The following DOK5 variants were observed in gnomAD, a reference collection of about 807,000 sequenced individuals.
DOK5 encodes docking protein 5.
DOK5 carries 27 observed loss-of-function variants against 43.3 expected under a neutral mutation model. That is an observed-to-expected ratio of 0.62 (90% CI 0.46 to 0.86). DOK5 has a LOEUF of 0.86. DOK5 is among the 40% of genes least tolerant of loss of function. The probability of loss-of-function intolerance (pLI) is 0.00; values close to 1 mark genes in which losing one functional copy is unlikely to be tolerated. For missense variants in DOK5, 373 were observed against 392.9 expected, an observed-to-expected ratio of 0.95 and a Z score of 0.43; for synonymous variants, 146 against 140.1, an observed-to-expected ratio of 1.04 and a Z score of -0.30.
chr20:54,524,027 G>A (rs537941101), intron 1 of DOK5, among the ~76,000 whole-genome samples: 6 of 152,236 alleles, frequency 3.9e-5, no homozygotes, highest in Admixed American at 3.3e-4. Context: ...GGGACTAAAC[G>A]TTTGTTAAAT....
intron 6 of DOK5, among the ~76,000 whole-genome samples, chr20:54,642,055 G>A (rs565584580): frequency 2.5e-4 from 38 of 152,170 alleles, no homozygotes; most frequent in African/African-American, 8.4e-4. Flanking sequence ...CTAAGACCAG[G>A]GCTCAGATAC....
chr20:54,548,413 T>G (rs1984417699), intron 1 of DOK5, among the ~76,000 whole-genome samples: 1 of 151,914 alleles, frequency 6.6e-6, no homozygotes, highest in African/African-American at 2.4e-5. Context: ...TGTATTTTTT[T>G]TTTTATAGAG....
chr20:54,646,980 A>C (rs1411283493), intron 7 of DOK5, among the ~76,000 whole-genome samples: 1 of 151,796 alleles, frequency 6.6e-6, no homozygotes, highest in Non-Finnish European at 1.5e-5. Flanking sequence ...TGGTTTGAGA[A>C]TAATGGTCAT....
At chr20:54,565,010 T>C (rs7353969) in intron 2 of DOK5, among the ~76,000 whole-genome samples, 2 of 152,000 alleles carry the variant, frequency 1.3e-5, no homozygotes, top group Non-Finnish European at 2.9e-5. Context: ...CTCTCCCCCA[T>C]TTTTTTTCTC....
chr20:54,641,502 A>T (rs5024846), intron 6 of DOK5, among the ~76,000 whole-genome samples: 109,792 of 150,818 alleles, frequency 0.73, 40,337 homozygotes, highest in East Asian at 1. Context: ...GAAATTTTTA[A>T]AAAAAAAATC....
At chr20:54,620,270 G>T (rs1187804396) in intron 6 of DOK5, among the ~76,000 whole-genome samples, 3 of 152,134 alleles carry the variant, frequency 2.0e-5, no homozygotes, top group Admixed American at 2.0e-4. Context: ...ACAGAGTCTT[G>T]CTCTGTTGCC....
At chr20:54,487,006 T>A (rs1981961548) in intron 1 of DOK5, among the ~76,000 whole-genome samples, 1 of 152,192 alleles carries the variant, frequency 6.6e-6, no homozygotes. Context: ...TATGATATAT[T>A]TTTGTAATAT....
intron 6 of DOK5, among the ~76,000 whole-genome samples, chr20:54,619,438 G>A (rs926087759): frequency 6.6e-6 from 1 of 152,170 alleles, no homozygotes; most frequent in Non-Finnish European, 1.5e-5. Context: ...GCGTGGCAGT[G>A]TGTGGGATAT....
At chr20:54,493,281 C>A (rs914397384) in intron 1 of DOK5, among the ~76,000 whole-genome samples, 1 of 152,104 alleles carries the variant, frequency 6.6e-6, no homozygotes, top group Non-Finnish European at 1.5e-5. Context: ...TGCGTTCACT[C>A]GCTGTGTCAC....
At chr20:54,499,110 G>A (rs1309040018) in intron 1 of DOK5, among the ~76,000 whole-genome samples, 2 of 152,184 alleles carry the variant, frequency 1.3e-5, no homozygotes, top group African/African-American at 4.8e-5. Flanking sequence ...CAAGAGAGAT[G>A]AACCTAGAAT....
chr20:54,576,306 T>G (rs957009963), intron 2 of DOK5, among the ~76,000 whole-genome samples: 4 of 152,134 alleles, frequency 2.6e-5, no homozygotes. Context: ...ATAAATAAAA[T>G]GGTCATTCAC....
intron 1 of DOK5, among the ~76,000 whole-genome samples, chr20:54,521,429 C>A (rs1489148128): frequency 6.6e-6 from 1 of 152,102 alleles, no homozygotes. Context: ...GGTTCCCATT[C>A]TCAGGTTTCA....
Position 54,481,028 on chromosome 20 carries a change from T to TATC in DOK5, c.66+5017_66+5019dup, listed in dbSNP as rs1190699835. ...ATCTATCATCTATCTATCTATCATC[T>TATC]ATCTATCATCTATCTATCATCTGTC... On this transcript the variant is annotated intron_variant, in intron 1 of 7. Transcript: ENST00000262593. 2.0e-3 allele frequency among the ~76,000 whole-genome samples: 227 copies of TATC among 116,400 alleles called. 4 individuals are homozygous for TATC. In the East Asian group the frequency reaches 0.026, roughly 13 times the overall value. 76.4% of individuals were successfully genotyped at this position (116,400 alleles called of 152,430 possible).
At chr20:54,490,309 A>C (rs1982113789) in intron 1 of DOK5, among the ~76,000 whole-genome samples, 1 of 152,170 alleles carries the variant, frequency 6.6e-6, no homozygotes, top group East Asian at 1.9e-4. Flanking sequence ...ACTTTTGATA[A>C]ATATTATGTT....
intron 6 of DOK5, among the ~76,000 whole-genome samples, chr20:54,614,436 G>A (rs1986743522): frequency 6.6e-6 from 1 of 152,170 alleles, no homozygotes; most frequent in Non-Finnish European, 1.5e-5. Flanking sequence ...TATTAGTGTT[G>A]TGCGGCTATT....
chr20:54,539,005 G>A (rs7272758), intron 1 of DOK5, among the ~76,000 whole-genome samples: 9 of 152,074 alleles, frequency 5.9e-5, no homozygotes, highest in South Asian at 2.1e-4. Context: ...GAACAGGGCC[G>A]GGCACCGTGG....
chr20:54,551,247 A>G (rs1387885751), intron 1 of DOK5, among the ~76,000 whole-genome samples: 2 of 152,004 alleles, frequency 1.3e-5, no homozygotes, highest in Non-Finnish European at 2.9e-5. Context: ...TCATTAGATT[A>G]TTTGTTTGTT....
chr20:54,612,159 T>G (rs1986670963), intron 6 of DOK5, among the ~76,000 whole-genome samples: 1 of 152,214 alleles, frequency 6.6e-6, no homozygotes, highest in Non-Finnish European at 1.5e-5. Context: ...AAGTGCAGGT[T>G]TTTTTCATTG....
At chr20:54,598,313 T>C (rs770612347) in intron 5 of DOK5, among the ~76,000 whole-genome samples, 1 of 152,250 alleles carries the variant, frequency 6.6e-6, no homozygotes, top group Non-Finnish European at 1.5e-5. Flanking sequence ...GCTTATTTTG[T>C]TTGAAGTTTT....
Sources: allele counts gnomAD v4.1 joint callset (sites outside exome capture counted in the v4.1 genomes callset), GRCh38; gene constraint gnomAD v4.1.1; transcripts MANE v1.5; gene names NCBI Gene and HGNC (gene_info 2026-07-23, HGNC 2026-07-21).